Variants in PML observed in about 807,000 individuals in gnomAD.
PML encodes protein PML.
Under a neutral mutation model 65.2 loss-of-function variants are expected in PML, and 28 were observed. That is an observed-to-expected ratio of 0.43 (90% CI 0.32 to 0.59). The LOEUF is 0.59. Ranked by LOEUF, PML falls within the 20% of genes least tolerant of loss-of-function variation. The pLI is 0.08. For synonymous variants in PML, 500 were observed against 508.8 expected, an observed-to-expected ratio of 0.98 and a Z score of 0.23; for missense variants, 1,021 against 1,203.4, an observed-to-expected ratio of 0.85 and a Z score of 2.24.
intron 6 of PML, 124 bp from the exon 7 acceptor site, chr15:74,034,354 C>G: frequency 1.6e-6 from 2 of 1,234,312 alleles, no homozygotes; most frequent in South Asian, 2.4e-5. Flanking sequence ...TGTTCCCGTC[C>G]CCCTGCAGGG....
Position 73,998,152 on chromosome 15 carries a change from C to T in PML, c.278C>T (p.Ala93Val), listed in dbSNP as rs531642849. The change falls in exon 2 of 9, where the codon GCG (alanine) becomes GTG (valine). Residue 93 changes from alanine (A) to valine (V), a missense_variant. Physicochemically the swap from Ala to Val is moderately conservative, Grantham distance 64. Transcript: ENST00000268058. The stretch of plus-strand genomic sequence containing the variant: ...GGCATGCAGTGCCCCATCTGCCAGG[C>T]GCCCTGGCCCCTAGGTGCAGACACA... ...ASGMQCPICQ[A>V]PWPLGADTPA... The T allele has an allele frequency of 1.9e-6, 3 of 1,614,076 alleles. No individual in the cohort carries two copies. The highest frequency in any genetic ancestry group is 1.3e-5 in the African/African-American group (1 of 74,952).
chr15:74,036,243 T>C (rs1399579050), intron 7 of PML: 10 of 1,510,494 alleles, frequency 6.6e-6, no homozygotes, highest in Non-Finnish European at 8.8e-6. Context: ...GTATTCTGAG[T>C]CCCTGGCCAA....
chr15:74,036,615 C>T (rs959003582), intron 7 of PML, among the ~76,000 whole-genome samples: 1 of 152,156 alleles, frequency 6.6e-6, no homozygotes, highest in East Asian at 1.9e-4. Flanking sequence ...GTAAGATCCT[C>T]TGTCCCTCTC....
chr15:74,015,729 A>G (rs560938733), intron 2 of PML, among the ~76,000 whole-genome samples: 5 of 152,330 alleles, frequency 3.3e-5, no homozygotes, highest in Non-Finnish European at 7.3e-5. Flanking sequence ...TCCAATGACT[A>G]CATAGCACTG....
In PML at chr15:74,035,046, G is replaced by A. The variant is rs2071482382; in HGVS notation, c.1710+516G>A. The A allele has an allele frequency of 1.4e-6, 2 of 1,428,390 alleles. No homozygotes were observed. Among genetic ancestry groups the A allele is most frequent in the Middle Eastern group, 1.8e-4 (1 of 5,708 alleles). The allele number at this position is 1,428,390 out of a possible 1,614,324, so 88.5% of individuals were successfully genotyped here. A position where few individuals can be genotyped will look rare whatever the true frequency, so the allele number is the denominator to read the frequency against. On this transcript the variant is annotated intron_variant, in intron 7 of 8. Coordinates refer to ENST00000268058, the MANE Select transcript of PML (RefSeq NM_033238.3). This position sits in a 1 kb window ranked among gnomAD's most constrained non-coding sequence, Gnocchi z 4.1. ...GGTAGTGACCCTTCTGTCCCTAGAG[G>A]TTTATTACTAGAGGCTGGACTATCA...
At position 74,044,460 on chromosome 15, in the gene PML, CAGG is replaced by C. The variant is rs1301640692; in HGVS notation, c.2105_2107del (p.Glu702del). 3 of 1,614,042 alleles carry C rather than the reference CAGG, an allele frequency of 1.9e-6. No individual in the cohort carries two copies. The highest frequency in any genetic ancestry group is 2.5e-6 in the Non-Finnish European group (3 of 1,180,022). On this transcript the variant is annotated inframe_deletion, in exon 9 of 9. Transcript: ENST00000268058. ...GGACATTAACAGGCTGTGGGAATTC[CAGG>C]AGGCCATCTCGGGCTTCCTGGCTGC...
intron 7 of PML, chr15:74,036,434 A>G: frequency 7.8e-7 from 1 of 1,281,554 alleles, no homozygotes; most frequent in Admixed American, 3.3e-5. Flanking sequence ...GCGTTCTCCG[A>G]TGGATCCAGC....
intron 2 of PML, among the ~76,000 whole-genome samples, chr15:74,015,975 C>T (rs1331833444): frequency 6.6e-6 from 1 of 152,176 alleles, no homozygotes; most frequent in East Asian, 1.9e-4. Flanking sequence ...CACGTTGAGG[C>T]TTCTATTAAA....
Position 74,046,383 on chromosome 15 carries a change from G to C in PML, c.*1375G>C. 1 of 233,082 alleles carries C rather than the reference G, an allele frequency of 4.3e-6. No individual in the cohort carries two copies. 14.4% of individuals were successfully genotyped at this position (233,082 alleles called of 1,614,324 possible). ...CTCATTAGCTCCCTGCTCCTGGGAT[G>C]CTTCCCAAGCAGCCCAGGCCTCTAG... On this transcript the variant is annotated 3_prime_UTR_variant, in exon 9 of 9. Coordinates refer to ENST00000268058, the MANE Select transcript of PML (RefSeq NM_033238.3).
chr15:73,997,442 TAA>T (rs747925193), intron 1 of PML, among the ~76,000 whole-genome samples: 1 of 152,254 alleles, frequency 6.6e-6, no homozygotes, highest in Non-Finnish European at 1.5e-5. Flanking sequence ...TAACGCTGAG[TAA>T]TATTCCATTA....
rs770317484 is a variant in PML at position 74,037,888 on chromosome 15, C to A, written c.1710+3358C>A. 5.7e-4 allele frequency: 110 copies of A among 192,136 alleles called. No homozygotes were observed. Among genetic ancestry groups the A allele is most frequent in the Non-Finnish European group, 8.0e-4 (84 of 104,630 alleles). The allele number at this position is 192,136 out of a possible 1,614,324, so 11.9% of individuals were successfully genotyped here. ...CTGCCCAGGGGTAGCTGATACCCAA[C>A]ACTCGCACCTGCCTGCCAGACCAGC... On this transcript the variant is annotated intron_variant, in intron 7 of 8. Transcript: ENST00000268058. The surrounding 1 kb of genome is among the most constrained non-coding windows in gnomAD (Gnocchi z 4.2).
intron 2 of PML, among the ~76,000 whole-genome samples, chr15:74,020,957 C>G (rs2070809538): frequency 6.6e-6 from 1 of 152,218 alleles, no homozygotes; most frequent in Non-Finnish European, 1.5e-5. Context: ...CTAGAATAAT[C>G]TCTTTATCTC....
At chr15:74,029,618 C>T (rs2071229809) in intron 4 of PML, among the ~76,000 whole-genome samples, 1 of 151,860 alleles carries the variant, frequency 6.6e-6, no homozygotes. Context: ...GAGCAAGACT[C>T]TGCCTCAAAA....
chr15:74,023,603 C>G (rs2070942862), intron 3 of PML, among the ~76,000 whole-genome samples, 195 bp downstream of exon 3: 1 of 152,100 alleles, frequency 6.6e-6, no homozygotes, highest in South Asian at 2.1e-4. Flanking sequence ...CTGCAGCCAC[C>G]CAGAGGGGAC....
chr15:74,025,589 C>G (rs2071038340), intron 4 of PML: 1 of 154,652 alleles, frequency 6.5e-6, no homozygotes, highest in African/African-American at 2.4e-5. Context: ...TCTGCAGCAC[C>G]CCTGACCTGT....
At chr15:74,029,792 G>A (rs2071238328) in intron 4 of PML, among the ~76,000 whole-genome samples, 1 of 152,190 alleles carries the variant, frequency 6.6e-6, no homozygotes, top group African/African-American at 2.4e-5. Flanking sequence ...ACAAGCTGCA[G>A]TTTGAAAACC....
intron 4 of PML, 63 bp downstream of exon 4, chr15:74,024,990 G>A (rs2141840707): frequency 9.4e-7 from 1 of 1,062,070 alleles, no homozygotes; most frequent in Non-Finnish European, 1.5e-6. Context: ...CAGGTTGTGA[G>A]TCCTGCTGTC....
chr15:74,046,998 AC>A lies in PML; in HGVS notation c.*1993del. On this transcript the variant is annotated 3_prime_UTR_variant, in exon 9 of 9. Transcript: ENST00000268058. Reference sequence around the variant, plus strand: ...ATCCCCCCACATGACAAGTGGGGAGACCCAGGGTAGGCTTTCCTTTGGATCA... The same window carrying A: ...ATCCCCCCACATGACAAGTGGGGAGACCAGGGTAGGCTTTCCTTTGGATCA... 1 of 229,684 alleles carries A rather than the reference AC, an allele frequency of 4.4e-6. No individual in the cohort carries two copies. 14.2% of individuals were successfully genotyped at this position (229,684 alleles called of 1,614,324 possible). A position where few individuals can be genotyped will look rare whatever the true frequency, so the allele number is the denominator to read the frequency against.
chr15:74,000,009 G>T (rs952782750), intron 2 of PML, among the ~76,000 whole-genome samples: 2 of 151,596 alleles, frequency 1.3e-5, no homozygotes. Flanking sequence ...TAATTTTTTG[G>T]CATTTTTAGT....
Sources: allele counts gnomAD v4.1 joint callset (sites outside exome capture counted in the v4.1 genomes callset), GRCh38; gene constraint gnomAD v4.1.1; non-coding constraint Gnocchi (gnomAD v3.1); transcripts MANE v1.5; gene names NCBI Gene and HGNC (gene_info 2026-07-23, HGNC 2026-07-21).